Variants in GRM5 observed in about 807,000 individuals in gnomAD.
GRM5 encodes metabotropic glutamate receptor 5.
In GRM5, 19 loss-of-function variants were observed where a neutral mutation model predicts 83.1. That is an observed-to-expected ratio of 0.23 (90% CI 0.16 to 0.34). GRM5 has a LOEUF of 0.34. Among genes scored for constraint, GRM5 ranks in the 10% least tolerant of loss-of-function variants. The probability of loss-of-function intolerance (pLI) is 1.00; values close to 1 mark genes in which losing one functional copy is unlikely to be tolerated. For synonymous variants in GRM5, 675 were observed against 633.6 expected, an observed-to-expected ratio of 1.07 and a Z score of -0.98; for missense variants, 1,160 against 1,588.3, an observed-to-expected ratio of 0.73 and a Z score of 4.58.
At chr11:88,798,556 T>C (rs887932954) in intron 3 of GRM5, among the ~76,000 whole-genome samples, 2 of 152,040 alleles carry the variant, frequency 1.3e-5, no homozygotes, top group African/African-American at 4.8e-5. Flanking sequence ...AGAGCAACCA[T>C]CTTCATCTCA....
chr11:88,721,136 A>G (rs1232736282), intron 3 of GRM5, among the ~76,000 whole-genome samples: 2 of 152,002 alleles, frequency 1.3e-5, no homozygotes, highest in Admixed American at 1.3e-4. Context: ...TCTTAGGGAG[A>G]TTACATGAGC....
intron 3 of GRM5, among the ~76,000 whole-genome samples, chr11:88,705,881 A>G (rs1941146223): frequency 6.6e-6 from 1 of 151,952 alleles, no homozygotes; most frequent in East Asian, 1.9e-4. Context: ...CATATATCAA[A>G]CTTATTAAAC....
At chr11:88,980,752 G>A (rs1332096901) in intron 2 of GRM5, among the ~76,000 whole-genome samples, 1 of 152,054 alleles carries the variant, frequency 6.6e-6, no homozygotes, top group African/African-American at 2.4e-5. Context: ...GAACCCGGGA[G>A]GCAGAGCTTG....
intron 3 of GRM5, among the ~76,000 whole-genome samples, chr11:88,704,203 T>C (rs955197455): frequency 1.3e-5 from 2 of 152,058 alleles, no homozygotes; most frequent in African/African-American, 4.8e-5. Flanking sequence ...AAAGCCCACC[T>C]CCAAATACCA....
intron 3 of GRM5, among the ~76,000 whole-genome samples, chr11:88,812,280 C>T (rs1943601545): frequency 8.3e-6 from 1 of 120,382 alleles, no homozygotes; most frequent in Non-Finnish European, 1.6e-5. Flanking sequence ...AAGAGGCCCC[C>T]AAAAATTGAG....
intron 2 of GRM5, among the ~76,000 whole-genome samples, chr11:88,973,729 C>T (rs951879716): frequency 2.0e-5 from 3 of 152,084 alleles, no homozygotes; most frequent in African/African-American, 7.2e-5. Flanking sequence ...TTTGTTAATG[C>T]AGCCACAGGA....
chr11:88,920,432 A>G (rs1160197974), intron 2 of GRM5, among the ~76,000 whole-genome samples: 1 of 56,266 alleles, frequency 1.8e-5, no homozygotes, highest in African/African-American at 4.8e-5. Context: ...AAAAAAACCA[A>G]AAAAAAAAAA....
intron 3 of GRM5, among the ~76,000 whole-genome samples, chr11:88,816,548 AAAAAAAGAAAAGAAAAG>A (rs1241295714): frequency 3.8e-4 from 57 of 149,154 alleles, no homozygotes; most frequent in African/African-American, 1.3e-3. Context: ...CAAAAAAAAA[AAAAAAAGAAAAGAAAAG>A]AAAAAGAAAT....
chr11:88,510,476 T>C (rs563567539), intron 9 of GRM5, among the ~76,000 whole-genome samples: 32 of 152,222 alleles, frequency 2.1e-4, no homozygotes, highest in African/African-American at 7.5e-4. Context: ...TCAGAAACTT[T>C]ACAAAGGTCA....
rs200403601 is a variant in GRM5 at position 88,567,136 on chromosome 11, A to T, written c.2547T>A (p.Asp849Glu). 6.2e-7 allele frequency: 1 copy of T among 1,613,942 alleles called. No homozygotes were observed. Among genetic ancestry groups the T allele is most frequent in the Admixed American group, 1.7e-5 (1 of 60,006 alleles). The change falls in exon 8 of 10, where the codon GAT (aspartate) becomes GAA (glutamate). Residue 849 changes from aspartate to glutamate, a missense_variant. By Grantham distance (45) the Asp-to-Glu change is conservative. This residue lies in a region of GRM5 where 562 missense variants were observed against 532.4 expected (regional missense o/e 1.06). Coordinates refer to ENST00000305447, the MANE Select transcript of GRM5 (RefSeq NM_001143831.3). The surrounding 1 kb of genome is among the most constrained non-coding windows in gnomAD (Gnocchi z 7.3). ...TGCTGGCTGCGGAGGATGACTTGCCATCCCCTACATGCATGCGCACCACGG... is the reference window on the plus strand; with the variant it reads ...TGCTGGCTGCGGAGGATGACTTGCCTTCCCCTACATGCATGCGCACCACGG... ...TSTVVRMHVG[D>E]GKSSSAASRS...
intron 3 of GRM5, among the ~76,000 whole-genome samples, chr11:88,813,506 T>C (rs1235424813): frequency 6.6e-6 from 1 of 152,228 alleles, no homozygotes; most frequent in African/African-American, 2.4e-5. Flanking sequence ...ATGAAAATTC[T>C]GTCATATGCT....
At chr11:88,896,307 C>T (rs1183698127) in intron 2 of GRM5, among the ~76,000 whole-genome samples, 1 of 151,486 alleles carries the variant, frequency 6.6e-6, no homozygotes, top group East Asian at 1.9e-4. Context: ...AAGGGAAAGG[C>T]ATCGTATCAT....
chr11:88,877,697 C>A (rs1222737753), intron 2 of GRM5, among the ~76,000 whole-genome samples: 2 of 151,748 alleles, frequency 1.3e-5, no homozygotes, highest in African/African-American at 4.8e-5. Flanking sequence ...GTGGCACATG[C>A]CTGTAGTCTC....
intron 7 of GRM5, among the ~76,000 whole-genome samples, chr11:88,570,247 A>C (rs1233869300): frequency 6.6e-6 from 1 of 152,038 alleles, no homozygotes; most frequent in Middle Eastern, 3.2e-3. Context: ...ATGTATTCTT[A>C]CTCTAAATAA....
At chr11:88,551,669 C>T (rs560327748) in intron 8 of GRM5, among the ~76,000 whole-genome samples, 1 of 152,196 alleles carries the variant, frequency 6.6e-6, no homozygotes, top group Admixed American at 6.5e-5. Context: ...TTAGTTTAGC[C>T]GCTCACTGCC....
Position 88,741,200 on chromosome 11 carries a change from A to T in GRM5, c.912-87797T>A, listed in dbSNP as rs76872658. 4.9e-3 allele frequency among the ~76,000 whole-genome samples: 750 copies of T among 152,200 alleles called. 5 individuals are homozygous for T. Among genetic ancestry groups the T allele is most frequent in the African/African-American group, 0.017 (722 of 41,542 alleles). ...GCGTGGCTAGTCAGGACCAGCTGAC[A>T]CTACTGGTCTGGAATACCATGAAGA... is the stretch of plus-strand genomic sequence containing the variant. On this transcript the variant is annotated intron_variant, in intron 3 of 9. Coordinates refer to ENST00000305447, the MANE Select transcript of GRM5 (RefSeq NM_001143831.3).
chr11:88,572,020 G>GCTATCA (rs1565344041), intron 7 of GRM5, among the ~76,000 whole-genome samples: 2 of 152,160 alleles, frequency 1.3e-5, no homozygotes, highest in Non-Finnish European at 2.9e-5. Context: ...CAAGAAGAAA[G>GCTATCA]GCTTTGTAGC....
At chr11:89,004,132 G>C (rs757274471) in intron 2 of GRM5, among the ~76,000 whole-genome samples, 1 of 151,846 alleles carries the variant, frequency 6.6e-6, no homozygotes, top group African/African-American at 2.4e-5. Context: ...AATAGCAGAG[G>C]TCTTCGCAAA....
At chr11:88,869,715 A>G (rs1944730799) in intron 2 of GRM5, among the ~76,000 whole-genome samples, 2 of 151,656 alleles carry the variant, frequency 1.3e-5, no homozygotes, top group South Asian at 4.1e-4. Context: ...TTATTCCTTG[A>G]AAAATATTTT....
Sources: gnomAD v4.1 joint callset for allele counts (sites outside exome capture counted in the v4.1 genomes callset) on GRCh38, gnomAD v4.1.1 for gene constraint, gnomAD v4.1.1 regional missense constraint, Gnocchi (gnomAD v3.1) non-coding constraint, MANE v1.5 for transcripts, NCBI Gene and HGNC (gene_info 2026-07-23, HGNC 2026-07-21) for gene names.